DDX5: variants seen among roughly 807,000 people sequenced by gnomAD.
The protein encoded by DDX5 is DEAD-box helicase 5.
Under a neutral mutation model 68.6 loss-of-function variants are expected in DDX5, and 6 were observed. That is an observed-to-expected ratio of 0.09 (90% CI 0.05 to 0.17). DDX5 has a LOEUF of 0.17. Ranked by LOEUF, DDX5 falls within the 10% of genes least tolerant of loss-of-function variation. The pLI is 1.00. For missense variants in DDX5, 499 were observed against 756.1 expected (o/e 0.66, Z 3.99); for synonymous variants, 350 against 247.0 (o/e 1.42, Z -3.91).
upstream of DDX5, chr17:64,506,751 T>C (rs1304020650): frequency 2.1e-5 from 10 of 473,996 alleles, no homozygotes; most frequent in Middle Eastern, 1.1e-3. Context: ...ACGAAATAGC[T>C]CACCGGAAGT....
In DDX5 at chr17:64,499,770, T is replaced by G; in HGVS notation, c.*153A>C. 1.5e-6 allele frequency: 1 copy of G among 652,382 alleles called. No individual in the cohort carries two copies. The highest frequency in any genetic ancestry group is 2.3e-6 in the Non-Finnish European group (1 of 426,540). The allele number at this position is 652,382 out of a possible 1,614,324, so 40.4% of individuals were successfully genotyped here. On this transcript the variant is annotated 3_prime_UTR_variant, in exon 13 of 13. Transcript: ENST00000225792. ...ATTGTTTCAGGAATGTAGAGAAATA[T>G]CCAACTTAAATAGCGAAAAAGTGCA...
Position 64,499,747 on chromosome 17 carries a change from T to C in DDX5, c.*176A>G, listed in dbSNP as rs552579683. The C allele has an allele frequency of 3.8e-6, 2 of 528,726 alleles. No homozygotes were observed. The highest frequency in any genetic ancestry group is 3.9e-5 in the African/African-American group (2 of 51,922). The allele number at this position is 528,726 out of a possible 1,614,324, so 32.8% of individuals were successfully genotyped here. ...TCTAGTACAAAAAAAACCTAAAAATTGTTTCAGGAATGTAGAGAAATATCC... is the reference window on the plus strand; with the variant it reads ...TCTAGTACAAAAAAAACCTAAAAATCGTTTCAGGAATGTAGAGAAATATCC... On this transcript the variant is annotated 3_prime_UTR_variant, in exon 13 of 13. Transcript: ENST00000225792.
intron 11 of DDX5, 66 bp from the exon 12 acceptor site, chr17:64,500,839 C>A (rs1568100623): frequency 1.7e-6 from 2 of 1,180,526 alleles, no homozygotes; most frequent in Non-Finnish European, 2.5e-6. Context: ...ACAGCCAGAC[C>A]AAAAATAAAA....
chr17:64,503,198 T>C lies in DDX5; in HGVS notation c.800A>G (p.Asp267Gly). The C allele has an allele frequency of 6.2e-7, 1 of 1,614,134 alleles. No homozygotes were observed. The highest frequency in any genetic ancestry group is 8.5e-7 in the Non-Finnish European group (1 of 1,180,004). ...TCAAAGGACACTTACTCTTATTTGA[T>C]CCACAATCTTCCTTATTTGGGGTTC... is the stretch of plus-strand genomic sequence containing the variant. ...GFEPQIRKIV[D>G]QIRPDRQTLM... The change falls in exon 7 of 13, where the codon GAT (aspartate) becomes GGT (glycine). Residue 267 changes from aspartate (D) to glycine (G), a missense_variant. Physicochemically the swap from Asp to Gly is moderately conservative, Grantham distance 94. This residue lies in a region of DDX5 where 141 missense variants were observed against 279.8 expected (regional missense o/e 0.50). Coordinates refer to ENST00000225792, the MANE Select transcript of DDX5 (RefSeq NM_004396.5).
Position 64,503,341 on chromosome 17 carries a change from T to C in DDX5, c.657A>G (p.Glu219=). The C allele has an allele frequency of 6.2e-7, 1 of 1,614,152 alleles. No homozygotes were observed. Among genetic ancestry groups the C allele is most frequent in the Non-Finnish European group, 8.5e-7 (1 of 1,180,018 alleles). Reference sequence around the variant, plus strand: ...GTCTTCCAGGTGTTGCAATACAGATTTCCACACCTTTAATTAAATACGTAA... The same window carrying C: ...GTCTTCCAGGTGTTGCAATACAGATCTCCACACCTTTAATTAAATACGTAA... ...PQIRDLERGV[E]ICIATPGRLI... The change falls in exon 7 of 13, where the codon GAA becomes GAG. Residue 219 remains glutamate, a synonymous_variant. Transcript: ENST00000225792.
chr17:64,503,920 TTTAAATTA>T (rs781883245), intron 4 of DDX5, 52 bp from the exon 5 acceptor site: 4 of 1,613,760 alleles, frequency 2.5e-6, no homozygotes, highest in Admixed American at 3.3e-5. Flanking sequence ...AATACTCGTT[TTTAAATTA>T]CCATTACATT....
chr17:64,500,287 C>G lies in DDX5; in HGVS notation c.1481G>C (p.Arg494Pro). 3.1e-6 allele frequency: 5 copies of G among 1,613,236 alleles called. No homozygotes were observed. Among genetic ancestry groups the G allele is most frequent in the Non-Finnish European group, 4.2e-6 (5 of 1,179,414 alleles). The change falls in exon 13 of 13, where the codon CGG becomes CCG. Residue 494 changes from arginine to proline, a missense_variant. Physicochemically the swap from Arg to Pro is moderately radical, Grantham distance 103. Transcript: ENST00000225792. Reference protein sequence around the residue: ...RGRGGMKDDRRDRYSAGKRGG... With the variant: ...RGRGGMKDDRPDRYSAGKRGG... ...CCTTTTGCCCGCAGAGTATCTGTCC[C>G]GACGGTCATCCTTCATGCCTCCTCT... is the stretch of plus-strand genomic sequence containing the variant.
chr17:64,499,464 G>C lies in DDX5; in HGVS notation c.*459C>G, dbSNP rs764922336. The stretch of plus-strand genomic sequence containing the variant: ...TATGAATAGCTCATTATAAAGAAGG[G>C]CCTTCTGATTCCCCCTGCCTCCCAA... On this transcript the variant is annotated 3_prime_UTR_variant, in exon 13 of 13. Coordinates refer to ENST00000225792, the MANE Select transcript of DDX5 (RefSeq NM_004396.5). Among the ~76,000 whole-genome samples the C allele has an allele frequency of 1.3e-5, 2 of 150,994 alleles. No individual in the cohort carries two copies. Among genetic ancestry groups the C allele is most frequent in the African/African-American group, 2.4e-5 (1 of 40,916 alleles).
chr17:64,505,409 G>GA lies in DDX5; in HGVS notation c.45-568dup, dbSNP rs1192005619. The GA allele has an allele frequency of 1.9e-5, 10 of 526,492 alleles. No individual in the cohort carries two copies. The Admixed American group carries it at 3.3e-4, about 17-fold the overall frequency. The allele number at this position is 526,492 out of a possible 1,614,324, so 32.6% of individuals were successfully genotyped here. ...AACGAATCAAAATTATATAACGCAG[G>GA]AAAAAAGAAAAGGAGGAGCCGGCGA... On this transcript the variant is annotated intron_variant, in intron 1 of 12. Coordinates refer to ENST00000225792, the MANE Select transcript of DDX5 (RefSeq NM_004396.5).
rs782799279 is a variant in DDX5, at chr17:64,504,037, T to C, written c.387A>G (p.Leu129=). 6.2e-7 allele frequency: 1 copy of C among 1,614,240 alleles called. No homozygotes were observed. The highest frequency in any genetic ancestry group is 1.1e-5 in the South Asian group (1 of 91,084). Reference sequence around the variant, plus strand: ...CCACTCCAACCATATCCAATCCACTTAGAGCAACTGGCCATCCCTGAGCTT... The same window carrying C: ...CCACTCCAACCATATCCAATCCACTCAGAGCAACTGGCCATCCCTGAGCTT... ...AIQAQGWPVA[L]SGLDMVGVAQ... The change falls in exon 4 of 13, where the codon CTA becomes CTG. Residue 129 remains leucine (L), a synonymous_variant. Transcript: ENST00000225792.
chr17:64,503,770 G>A (rs1555671546), intron 5 of DDX5, 33 bp downstream of exon 5: 5 of 1,594,060 alleles, frequency 3.1e-6, no homozygotes, highest in Non-Finnish European at 3.4e-6. Context: ...TACACATTAT[G>A]CTTCTAATAA....
At chr17:64,506,670 C>T (rs1047815955), upstream of DDX5, 6 of 330,038 alleles carry the variant, frequency 1.8e-5, no homozygotes, top group East Asian at 5.6e-5. Flanking sequence ...TGTCACGTGG[C>T]TGTACCACCC....
intron 2 of DDX5, 82 bp from the exon 3 acceptor site, chr17:64,504,400 T>C (rs2038374033): frequency 1.6e-6 from 2 of 1,244,938 alleles, no homozygotes; most frequent in South Asian, 1.2e-5. Flanking sequence ...CCTAACTTCA[T>C]AATTTAGTAA....
In DDX5 at chr17:64,499,653, T is replaced by C; in HGVS notation, c.*270A>G. ...TCAAATATTTTTTATTGGAAGGCCATGCATTGCCTTCATTTATTGTATTTC... is the reference window on the plus strand; with the variant it reads ...TCAAATATTTTTTATTGGAAGGCCACGCATTGCCTTCATTTATTGTATTTC... On this transcript the variant is annotated 3_prime_UTR_variant, in exon 13 of 13. Coordinates refer to ENST00000225792, the MANE Select transcript of DDX5 (RefSeq NM_004396.5). 2.9e-6 allele frequency: 1 copy of C among 345,742 alleles called. No individual in the cohort carries two copies. Among genetic ancestry groups the C allele is most frequent in the Non-Finnish European group, 5.2e-6 (1 of 191,188 alleles). The allele number at this position is 345,742 out of a possible 1,614,324, so 21.4% of individuals were successfully genotyped here. A position where few individuals can be genotyped will look rare whatever the true frequency, so the allele number is the denominator to read the frequency against.
At position 64,504,207 on chromosome 17, in the gene DDX5, A is replaced by C; in HGVS notation, c.307+15T>G. 6.2e-7 allele frequency: 1 copy of C among 1,613,666 alleles called. No homozygotes were observed. The highest frequency in any genetic ancestry group is 8.5e-7 in the Non-Finnish European group (1 of 1,179,544). On this transcript the variant is annotated intron_variant, in intron 3 of 12. Transcript: ENST00000225792. The stretch of plus-strand genomic sequence containing the variant: ...ACAAAAACACGGGTAGGTAGAACTG[A>C]AAAGTAGCACTTACCAGGGAAATTG...
At chr17:64,505,881 G>A (rs1461299695) in intron 1 of DDX5, 195 bp downstream of exon 1, 9 of 1,535,916 alleles carry the variant, frequency 5.9e-6, no homozygotes, top group East Asian at 2.4e-5. Flanking sequence ...AAGCAAGCTT[G>A]AAGACACTAC....
intron 11 of DDX5, 88 bp downstream of exon 11, chr17:64,501,922 C>G (rs782727293): frequency 1.9e-5 from 26 of 1,345,770 alleles, no homozygotes; most frequent in Non-Finnish European, 2.5e-5. Context: ...AGAAAAAATG[C>G]AGGTTAAAGA....
chr17:64,501,635 C>A, intron 11 of DDX5: 1 of 247,426 alleles, frequency 4.0e-6, no homozygotes. Flanking sequence ...TGAAACAAGG[C>A]TGTACCATGG....
In DDX5 at chr17:64,499,128, A is replaced by C. The variant is rs528131377; in HGVS notation, c.*795T>G. ...TAGCTCCTGGCCATCTTAAAGGGCT[A>C]ATGTATGTCTTTCACAGGTTTGTTC... On this transcript the variant is annotated 3_prime_UTR_variant, in exon 13 of 13. Transcript: ENST00000225792. Among the ~76,000 whole-genome samples the C allele has an allele frequency of 1.7e-3, 259 of 152,340 alleles. 1 individual carries two copies. The highest frequency in any genetic ancestry group is 5.8e-3 in the African/African-American group (243 of 41,588).
Sources: gnomAD v4.1 joint callset for allele counts (sites outside exome capture counted in the v4.1 genomes callset) on GRCh38, gnomAD v4.1.1 for gene constraint, gnomAD v4.1.1 regional missense constraint, MANE v1.5 for transcripts, NCBI Gene and HGNC (gene_info 2026-07-23, HGNC 2026-07-21) for gene names.